PRKG1: variants seen among roughly 807,000 people sequenced by gnomAD.
The protein encoded by PRKG1 is cGMP-dependent protein kinase 1.
Under a neutral mutation model 88.1 loss-of-function variants are expected in PRKG1, and 35 were observed. The ratio of observed to expected loss-of-function variants is 0.40; its 90% confidence interval spans 0.30 to 0.53. The LOEUF is 0.53. Ranked by LOEUF, PRKG1 falls within the 20% of genes least tolerant of loss-of-function variation. PRKG1 has a pLI of 0.59. For synonymous variants in PRKG1, 303 were observed against 292.5 expected (o/e 1.04, Z -0.37); for missense variants, 540 against 839.8 (o/e 0.64, Z 4.41).
chr10:52,166,843 ATATATGTC>A (rs1838480072), intron 9 of PRKG1, among the ~76,000 whole-genome samples: 2 of 112,452 alleles, frequency 1.8e-5, no homozygotes, highest in East Asian at 2.7e-4. Flanking sequence ...ATATATGTAT[ATATATGTC>A]TATATATATA....
At chr10:51,412,215 A>G (rs10822942) in intron 2 of PRKG1, among the ~76,000 whole-genome samples, 4,575 of 119,594 alleles carry the variant, frequency 0.038, 96 homozygotes, top group African/African-American at 0.055. Context: ...GAGAGAGAGA[A>G]AGAAAGAGAG....
chr10:51,279,739 C>T (rs903468785), intron 2 of PRKG1, among the ~76,000 whole-genome samples: 4 of 152,140 alleles, frequency 2.6e-5, no homozygotes, highest in African/African-American at 7.2e-5. Flanking sequence ...GATCTTCCTC[C>T]ATCCCTTTAT....
chr10:51,789,033 C>T (rs916403657), intron 3 of PRKG1, among the ~76,000 whole-genome samples: 1 of 152,104 alleles, frequency 6.6e-6, no homozygotes, highest in Admixed American at 6.5e-5. Context: ...AAAGTCACAT[C>T]GTTTAACTTG....
chr10:51,113,011 AT>A (rs1326268228), intron 1 of PRKG1, among the ~76,000 whole-genome samples: 1 of 152,188 alleles, frequency 6.6e-6, no homozygotes, highest in Non-Finnish European at 1.5e-5. Context: ...TTTAATTTTG[AT>A]TCAACAGCTA....
intron 8 of PRKG1, among the ~76,000 whole-genome samples, chr10:52,151,231 C>CCT (rs1311106950): frequency 6.6e-6 from 1 of 152,136 alleles, no homozygotes; most frequent in Admixed American, 6.5e-5. Context: ...TGCTCACCCT[C>CCT]CTCTCACCTT....
intron 5 of PRKG1, among the ~76,000 whole-genome samples, chr10:52,050,040 A>T (rs61849896): frequency 0.19 from 26,973 of 144,696 alleles, 2,657 homozygotes; most frequent in African/African-American, 0.24. Flanking sequence ...TGTGTGTGTG[A>T]GAGAGAGAGA....
intron 3 of PRKG1, among the ~76,000 whole-genome samples, chr10:51,638,779 C>T (rs1839721160): frequency 6.6e-6 from 1 of 152,078 alleles, no homozygotes; most frequent in Admixed American, 6.5e-5. Flanking sequence ...GAAATAATGA[C>T]ACATTGAAAC....
chr10:51,238,619 TG>T (rs762267833), intron 2 of PRKG1, among the ~76,000 whole-genome samples: 7 of 144,072 alleles, frequency 4.9e-5, no homozygotes, highest in Non-Finnish European at 1.1e-4. Context: ...CAAAATTAGC[TG>T]GGTGTGGTGG....
chr10:51,338,437 T>C (rs1841928712), intron 2 of PRKG1, among the ~76,000 whole-genome samples: 1 of 151,798 alleles, frequency 6.6e-6, no homozygotes, highest in South Asian at 2.1e-4. Context: ...TAAAGAAAAA[T>C]AAGGGTTTCT....
chr10:51,454,150 G>A (rs555105067), intron 2 of PRKG1, among the ~76,000 whole-genome samples: 1 of 152,142 alleles, frequency 6.6e-6, no homozygotes, highest in Non-Finnish European at 1.5e-5. Context: ...GACAAATATT[G>A]TGAAAATGAC....
chr10:51,257,690 A>ATT (rs113631718), intron 2 of PRKG1, among the ~76,000 whole-genome samples: 1,837 of 146,400 alleles, frequency 0.013, 34 homozygotes, highest in African/African-American at 0.042. Context: ...AAGAAAGCTC[A>ATT]TTTTTTTTTT....
chr10:51,961,450 G>A (rs185096718), intron 5 of PRKG1, among the ~76,000 whole-genome samples: 1 of 152,314 alleles, frequency 6.6e-6, no homozygotes, highest in Admixed American at 6.5e-5. Flanking sequence ...CGAGTCAACT[G>A]TGCAAAGTAA....
At chr10:51,207,681 C>A (rs916969790) in intron 2 of PRKG1, among the ~76,000 whole-genome samples, 3 of 152,026 alleles carry the variant, frequency 2.0e-5, no homozygotes, top group African/African-American at 7.2e-5. Context: ...TCCAAACGTT[C>A]CTTTAGATTT....
intron 3 of PRKG1, among the ~76,000 whole-genome samples, chr10:51,486,719 G>A (rs1276650219): frequency 6.6e-6 from 1 of 152,030 alleles, no homozygotes; most frequent in Non-Finnish European, 1.5e-5. Context: ...AGAAAATATT[G>A]AGCTTTCTTA....
chr10:51,528,672 TG>T (rs1457733232), intron 3 of PRKG1, among the ~76,000 whole-genome samples: 2 of 99,154 alleles, frequency 2.0e-5, no homozygotes, highest in African/African-American at 3.9e-5. Context: ...CTTCTCGGGG[TG>T]GGGGGAAGAC....
chr10:51,181,683 G>A (rs536426938), intron 2 of PRKG1, among the ~76,000 whole-genome samples: 5 of 152,274 alleles, frequency 3.3e-5, no homozygotes, highest in East Asian at 1.9e-4. Context: ...TATGTCACAT[G>A]TATTGTCTCA....
chr10:51,897,950 G>C (rs140340775), intron 4 of PRKG1, among the ~76,000 whole-genome samples: 1 of 151,912 alleles, frequency 6.6e-6, no homozygotes, highest in African/African-American at 2.4e-5. Flanking sequence ...TCAGAATAAA[G>C]CTAAGCTCTT....
At chr10:51,496,584 C>G (rs895428726) in intron 3 of PRKG1, among the ~76,000 whole-genome samples, 1 of 152,130 alleles carries the variant, frequency 6.6e-6, no homozygotes, top group African/African-American at 2.4e-5. Flanking sequence ...CCCTTTACTT[C>G]AAAGGGTATG....
intron 1 of PRKG1, among the ~76,000 whole-genome samples, chr10:51,035,181 C>A (rs1843338026): frequency 6.6e-6 from 1 of 152,090 alleles, no homozygotes; most frequent in Non-Finnish European, 1.5e-5. Flanking sequence ...GCAATCTTAA[C>A]CTTGACTGCT....
Sources: gnomAD v4.1 joint callset for allele counts (sites outside exome capture counted in the v4.1 genomes callset) on GRCh38, gnomAD v4.1.1 for gene constraint, MANE v1.5 for transcripts, NCBI Gene and HGNC (gene_info 2026-07-23, HGNC 2026-07-21) for gene names.